Variants in ESR1 observed in about 807,000 individuals in gnomAD.
The protein encoded by ESR1 is estrogen receptor 1.
In ESR1, 12 loss-of-function variants were observed where a neutral mutation model predicts 52.7. The observed-to-expected ratio is 0.23, with a 90% CI of 0.15 to 0.37. The LOEUF (loss-of-function observed/expected upper bound fraction) is 0.37, where lower values mean the gene tolerates loss of function less well. Among genes scored for constraint, ESR1 ranks in the 10% least tolerant of loss-of-function variants. ESR1 has a pLI of 1.00. For synonymous variants in ESR1, 305 were observed against 316.8 expected (o/e 0.96, Z 0.39); for missense variants, 584 against 779.7 (o/e 0.75, Z 2.99).
chr6:151,909,229 A>T (rs540679275), intron 3 of ESR1, among the ~76,000 whole-genome samples: 1 of 152,234 alleles, frequency 6.6e-6, no homozygotes, highest in African/African-American at 2.4e-5. Flanking sequence ...CAAGGGAAAA[A>T]CCCTGTTCTT....
intron 3 of ESR1, among the ~76,000 whole-genome samples, chr6:151,941,888 C>T (rs1475327871): frequency 6.6e-6 from 1 of 152,242 alleles, no homozygotes; most frequent in East Asian, 1.9e-4. Flanking sequence ...TTATGCAGAA[C>T]AACCCATCTA....
At chr6:151,980,754 A>C (rs112226822) in intron 4 of ESR1, among the ~76,000 whole-genome samples, 136 of 152,278 alleles carry the variant, frequency 8.9e-4, no homozygotes, top group African/African-American at 3.2e-3. Context: ...CCCAGGCTGG[A>C]GTGCTGTGGT....
chr6:151,754,977 T>C (rs915226432), intron 2 of ESR1, among the ~76,000 whole-genome samples: 2 of 152,078 alleles, frequency 1.3e-5, no homozygotes, highest in African/African-American at 2.4e-5. Flanking sequence ...TTTAGGAGGC[T>C]GAGGTGGGCA....
chr6:151,735,122 T>C (rs1782547523), intron 2 of ESR1, among the ~76,000 whole-genome samples: 2 of 152,234 alleles, frequency 1.3e-5, no homozygotes, highest in Non-Finnish European at 2.9e-5. Flanking sequence ...GGCTGTGTTA[T>C]TGTGGGGATG....
chr6:151,664,906 A>G (rs1777768018), intron 1 of ESR1, among the ~76,000 whole-genome samples: 1 of 152,206 alleles, frequency 6.6e-6, no homozygotes, highest in Non-Finnish European at 1.5e-5. Flanking sequence ...AACTCTCATC[A>G]TAATTTTATT....
At chr6:151,966,455 G>A (rs1413138397) in intron 4 of ESR1, among the ~76,000 whole-genome samples, 1 of 151,610 alleles carries the variant, frequency 6.6e-6, no homozygotes. Flanking sequence ...TTATGTTTTG[G>A]CTTCTTTTTC....
At chr6:152,093,364 C>T (rs2050354927) in intron 6 of ESR1, among the ~76,000 whole-genome samples, 2 of 151,810 alleles carry the variant, frequency 1.3e-5, no homozygotes, top group African/African-American at 2.4e-5. Flanking sequence ...TTCTCTCTCT[C>T]TCTCTCACCC....
chr6:151,716,186 T>C (rs965662879), intron 2 of ESR1, among the ~76,000 whole-genome samples: 2 of 152,178 alleles, frequency 1.3e-5, no homozygotes, highest in African/African-American at 4.8e-5. Context: ...GATTGCTGCC[T>C]GTTCCTTCCT....
chr6:151,899,640 C>G (rs1473173686), intron 3 of ESR1, among the ~76,000 whole-genome samples: 1 of 151,022 alleles, frequency 6.6e-6, no homozygotes, highest in African/African-American at 2.4e-5. Flanking sequence ...ACTTCCCAGA[C>G]GGGGTGGCTG....
At chr6:151,991,142 G>C (rs573076949) in intron 4 of ESR1, among the ~76,000 whole-genome samples, 2 of 152,106 alleles carry the variant, frequency 1.3e-5, no homozygotes, top group East Asian at 3.9e-4. Context: ...ACTTGGCTCT[G>C]TACAGACAGT....
rs934377161 is a variant in ESR1, at chr6:151,794,493, AT to A, written c.-70-13342del. Among the ~76,000 whole-genome samples, 4 of 152,180 alleles carry A rather than the reference AT, an allele frequency of 2.6e-5. No individual in the cohort carries two copies. In the East Asian group the frequency reaches 7.7e-4, roughly 29 times the overall value. Reference sequence around the variant, plus strand: ...CTGATAGTTGAAAGATTACTTCCAAATTTTTTTTATTTTTGTGAAAGCCAAA... The same window carrying A: ...CTGATAGTTGAAAGATTACTTCCAAATTTTTTTATTTTTGTGAAAGCCAAA... On this transcript the variant is annotated intron_variant, in intron 2 of 2. Coordinates refer to the ESR1 transcript ENST00000404742.
chr6:151,889,634 G>T (rs375043170), intron 3 of ESR1, among the ~76,000 whole-genome samples: 1 of 151,938 alleles, frequency 6.6e-6, no homozygotes, highest in Non-Finnish European at 1.5e-5. Flanking sequence ...TTTGTTTTGT[G>T]TTTTTAGTCT....
Position 151,736,375 on chromosome 6 carries a change from G to GTTCTTTTTTTTTTTTTTT in ESR1, c.-71+34372_-71+34373insCTTTTTTTTTTTTTTTTT, listed in dbSNP as rs748276035. Reference sequence around the variant, plus strand: ...AAATACTTACTGTATTCCAGGTAGTGTTTTTTTTTTTTTTTGAGATGGAGT... The same window carrying GTTCTTTTTTTTTTTTTTT: ...AAATACTTACTGTATTCCAGGTAGTGTTCTTTTTTTTTTTTTTTTTTTTTTTTTTTTTTGAGATGGAGT... On this transcript the variant is annotated intron_variant, in intron 2 of 2. Transcript: ENST00000404742. Among the ~76,000 whole-genome samples, 83 of 112,690 alleles carry GTTCTTTTTTTTTTTTTTT rather than the reference G, an allele frequency of 7.4e-4. 8 individuals carry two copies. The highest frequency in any genetic ancestry group is 7.6e-4 in the Non-Finnish European group (44 of 57,570). The allele number at this position is 112,690 out of a possible 152,430, so 73.9% of individuals were successfully genotyped here. A position where few individuals can be genotyped will look rare whatever the true frequency, so the allele number is the denominator to read the frequency against.
chr6:151,968,223 G>A (rs1322915080), intron 4 of ESR1, among the ~76,000 whole-genome samples: 4 of 152,104 alleles, frequency 2.6e-5, no homozygotes, highest in Admixed American at 2.6e-4. Flanking sequence ...GCCATATGCA[G>A]AAAACTGAAA....
At chr6:151,937,330 T>C (rs899752724) in intron 3 of ESR1, among the ~76,000 whole-genome samples, 7 of 152,258 alleles carry the variant, frequency 4.6e-5, no homozygotes, top group South Asian at 4.1e-4. Flanking sequence ...GGTAGCCCCA[T>C]AGAACTGCCA....
chr6:151,973,742 T>A (rs1185615916), intron 4 of ESR1, among the ~76,000 whole-genome samples: 1 of 152,138 alleles, frequency 6.6e-6, no homozygotes, highest in African/African-American at 2.4e-5. Flanking sequence ...AATGCCACCT[T>A]GATAGAAAGT....
At chr6:152,115,754 T>A (rs1246234292) in intron 6 of ESR1, among the ~76,000 whole-genome samples, 1 of 152,094 alleles carries the variant, frequency 6.6e-6, no homozygotes, top group Non-Finnish European at 1.5e-5. Flanking sequence ...GAAGAGGCAA[T>A]ACAAATGGAA....
intron 1 of ESR1, among the ~76,000 whole-genome samples, chr6:151,839,807 G>A (rs1400689475): frequency 2.0e-5 from 3 of 152,144 alleles, no homozygotes; most frequent in East Asian, 3.9e-4. Context: ...AGGGGAAGGA[G>A]AAAATGGGGA....
chr6:152,005,920 C>T (rs2042292922), intron 4 of ESR1, among the ~76,000 whole-genome samples: 1 of 151,948 alleles, frequency 6.6e-6, no homozygotes. Context: ...ATTGTAGCCT[C>T]AAGAAAGAAA....
Sources: gnomAD v4.1 joint callset for allele counts (sites outside exome capture counted in the v4.1 genomes callset) on GRCh38, gnomAD v4.1.1 for gene constraint, MANE v1.5 for transcripts, NCBI Gene and HGNC (gene_info 2026-07-23, HGNC 2026-07-21) for gene names.